Variants in MTERF4 observed in about 807,000 individuals in gnomAD.
The protein encoded by MTERF4 is transcription termination factor 4, mitochondrial.
MTERF4 carries 17 observed loss-of-function variants against 22.5 expected under a neutral mutation model. That is an observed-to-expected ratio of 0.75 (90% CI 0.52 to 1.13). The LOEUF is 1.13. Among genes scored for constraint, MTERF4 ranks in the 50% most tolerant of loss-of-function variants. The pLI is 0.00. For synonymous variants in MTERF4, 165 were observed against 175.3 expected (o/e 0.94, Z 0.47); for missense variants, 420 against 466.8 (o/e 0.90, Z 0.92).
At chr2:241,051,005 G>A in the MTERF4 span, among the ~76,000 whole-genome samples, 3 of 152,236 alleles carry the variant, frequency 2.0e-5, no homozygotes, top group Non-Finnish European at 4.4e-5. The surrounding 1 kb of genome is among the most constrained non-coding windows in gnomAD (Gnocchi z 4.7). Flanking sequence ...GAGGGAGTAC[G>A]GAAGGGACAA....
At chr2:241,079,138 C>T (rs1193607794) in intron 4 of MTERF4, among the ~76,000 whole-genome samples, 3 of 125,668 alleles carry the variant, frequency 2.4e-5, no homozygotes, top group Admixed American at 8.7e-5. Flanking sequence ...AAAGGCCGGG[C>T]GCGGTGGCTC....
At chr2:241,081,936 CCT>C (rs990185798) in intron 4 of MTERF4, 29 of 667,742 alleles carry the variant, frequency 4.3e-5, no homozygotes, top group South Asian at 2.3e-4. Context: ...GGGGCTGACC[CCT>C]GAGCCCCCAG....
intron 4 of MTERF4, among the ~76,000 whole-genome samples, chr2:241,076,295 C>T (rs1057204679): frequency 2.6e-5 from 4 of 152,194 alleles, no homozygotes; most frequent in East Asian, 1.9e-4. Flanking sequence ...CCATATATGA[C>T]ATTATGACTT....
rs1003661656 is a variant in MTERF4, at chr2:241,096,728, G to A, written c.706-290C>T. 9 of 614,110 alleles carry A rather than the reference G, an allele frequency of 1.5e-5. No homozygotes were observed. The highest frequency in any genetic ancestry group is 2.8e-5 in the Non-Finnish European group (9 of 325,272). 38.0% of individuals were successfully genotyped at this position (614,110 alleles called of 1,614,324 possible). Reference sequence around the variant, plus strand: ...GTGGTATTTTTCTTTAAATGGGGAAGGAAAAGGATGAATATGGAAAGAATA... The same window carrying A: ...GTGGTATTTTTCTTTAAATGGGGAAAGAAAAGGATGAATATGGAAAGAATA... On this transcript the variant is annotated intron_variant, in intron 3 of 3. Coordinates refer to ENST00000391980, the MANE Select transcript of MTERF4 (RefSeq NM_182501.4). The surrounding 1 kb of genome is among the most constrained non-coding windows in gnomAD (Gnocchi z 5.1).
the MTERF4 span, chr2:241,048,903 C>T: frequency 1.7e-5 from 20 of 1,192,282 alleles, no homozygotes; most frequent in African/African-American, 2.7e-4. Flanking sequence ...GGACTGGCCA[C>T]AAGAGTGCCT....
chr2:241,078,111 G>A (rs13427392), intron 4 of MTERF4, among the ~76,000 whole-genome samples: 3,266 of 152,218 alleles, frequency 0.021, 117 homozygotes, highest in African/African-American at 0.074. Flanking sequence ...GTGGCCGGGC[G>A]CGGTGGCTCA....
At chr2:241,048,918 C>T in the MTERF4 span, 19 of 1,222,158 alleles carry the variant, frequency 1.6e-5, no homozygotes, top group Non-Finnish European at 2.2e-5. Context: ...GTGCCTGAAC[C>T]TGTTGGGGCC....
At position 241,099,730 on chromosome 2, in the gene MTERF4, G is replaced by T; in HGVS notation, c.186C>A (p.Asn62Lys). 1.9e-6 allele frequency: 3 copies of T among 1,614,206 alleles called. No homozygotes were observed. The highest frequency in any genetic ancestry group is 2.5e-6 in the Non-Finnish European group (3 of 1,180,036). ...TCCTGCACTCTGGTTCCTGCACATA[G>T]TTATTGGATCTAACACAAGATAACT... ...IEELSCVRSNNYVQEPECRRN... is the reference protein window; with the variant it reads ...IEELSCVRSNKYVQEPECRRN... Residue 62 changes from asparagine to lysine, a missense_variant, in exon 2 of 4, where the codon AAC becomes AAA. Coordinates refer to ENST00000391980, the MANE Select transcript of MTERF4 (RefSeq NM_182501.4).
chr2:241,101,235 G>C (rs1269621614), intron 1 of MTERF4: 3 of 463,688 alleles, frequency 6.5e-6, no homozygotes, highest in Non-Finnish European at 1.4e-5. Context: ...GGGTTGATGG[G>C]AAACAGTGAC....
intron 4 of MTERF4, among the ~76,000 whole-genome samples, chr2:241,076,607 A>AT (rs1027453723): frequency 5.3e-5 from 8 of 152,196 alleles, no homozygotes; most frequent in Admixed American, 4.6e-4. Context: ...CACACCTGTA[A>AT]TCCCAGCACT....
At chr2:241,071,739 G>A (rs758288005), downstream of MTERF4, 19 of 1,344,862 alleles carry the variant, frequency 1.4e-5, no homozygotes, top group African/African-American at 1.0e-4. Context: ...CCCACCCATC[G>A]GCCCCATCGC....
the MTERF4 span, chr2:241,053,419 C>G: frequency 7.5e-7 from 1 of 1,325,796 alleles, no homozygotes; most frequent in South Asian, 1.4e-5. Flanking sequence ...AGGCCCAAGC[C>G]TGGATGCCCA....
chr2:241,067,900 G>T (rs1333703818), downstream of MTERF4: 2 of 1,613,336 alleles, frequency 1.2e-6, no homozygotes, highest in Admixed American at 3.3e-5. Context: ...AGGCCCTCAG[G>T]GACCAGGCCA....
At chr2:241,072,420 A>G (rs1437420540) in exon 5 of MTERF4, 1 of 360,652 alleles carries the variant, frequency 2.8e-6, no homozygotes, top group African/African-American at 2.1e-5. Flanking sequence ...AGAAGCCCTG[A>G]GACATGTTGG....
At chr2:241,048,580 CCAGGAGCAGGG>C in the MTERF4 span, 2 of 1,496,584 alleles carry the variant, frequency 1.3e-6, no homozygotes, top group African/African-American at 2.8e-5. Flanking sequence ...GGGAAGTTGG[CCAGGAGCAGGG>C]CAGGGTCTGG....
chr2:241,095,416 T>G (rs2064349852), downstream of MTERF4: 1 of 152,844 alleles, frequency 6.5e-6, no homozygotes, highest in African/African-American at 2.4e-5. Flanking sequence ...CCATGCAAAA[T>G]TAACCAGTAC....
At chr2:241,097,219 A>G (rs1486557470) in intron 3 of MTERF4, 24 bp downstream of exon 3, 2 of 1,611,412 alleles carry the variant, frequency 1.2e-6, no homozygotes, top group African/African-American at 1.3e-5. Flanking sequence ...AAACTACGCT[A>G]ATCACGCTAT....
At chr2:241,083,487 G>A (rs1243325086), downstream of MTERF4, among the ~76,000 whole-genome samples, 1 of 152,188 alleles carries the variant, frequency 6.6e-6, no homozygotes, top group South Asian at 2.1e-4. Flanking sequence ...GACGGGCAAG[G>A]GTAGAAGCTT....
chr2:241,102,283 A>G lies in MTERF4; in HGVS notation c.-10T>C, dbSNP rs756525452. On this transcript the variant is annotated 5_prime_UTR_variant, in exon 1 of 4. Transcript: ENST00000391980. ...GGCCGAACGCAGCCATAGCGCGGAG[A>G]AGATGGCAGCAGTTACGGCGCCGGA... 8.4e-6 allele frequency: 13 copies of G among 1,548,912 alleles called. No homozygotes were observed. In the African/African-American group the frequency reaches 1.8e-4, roughly 21 times the overall value.
Sources: allele counts gnomAD v4.1 joint callset (sites outside exome capture counted in the v4.1 genomes callset), GRCh38; gene constraint gnomAD v4.1.1; non-coding constraint Gnocchi (gnomAD v3.1); transcripts MANE v1.5; gene names NCBI Gene and HGNC (gene_info 2026-07-23, HGNC 2026-07-21).